The following SPAST variants were observed in gnomAD, a reference collection of about 807,000 sequenced individuals.
The protein encoded by SPAST is spastic paraplegia 4 (autosomal dominant; spastin).
A neutral mutation model predicts 76.6 loss-of-function variants in SPAST; 30 were observed. The observed-to-expected ratio is 0.39, with a 90% CI of 0.29 to 0.53. The LOEUF is 0.53. SPAST is among the 20% of genes least tolerant of loss of function. SPAST has a pLI of 0.68. For missense variants in SPAST, 717 were observed against 770.5 expected, an observed-to-expected ratio of 0.93 and a Z score of 0.82; for synonymous variants, 305 against 281.0, an observed-to-expected ratio of 1.09 and a Z score of -0.86.
At chr2:32,099,018 G>A (rs1175035448) in intron 4 of SPAST, 127 bp downstream of exon 4, 2 of 726,572 alleles carry the variant, frequency 2.8e-6, no homozygotes, top group Non-Finnish European at 5.0e-6. Context: ...ACAGGGCTGT[G>A]TTGAAAATAT....
intron 16 of SPAST, among the ~76,000 whole-genome samples, chr2:32,152,971 C>T (rs1173434786): frequency 6.6e-6 from 1 of 152,134 alleles, no homozygotes; most frequent in Non-Finnish European, 1.5e-5. Context: ...TGGTCTCTAA[C>T]TCCTGGGCTC....
chr2:32,112,546 C>T (rs552658037), intron 4 of SPAST, among the ~76,000 whole-genome samples: 11 of 152,248 alleles, frequency 7.2e-5, no homozygotes, highest in Non-Finnish European at 1.5e-4. Context: ...CGGGGTTTCA[C>T]CACATTGGTC....
chr2:32,063,742 C>T lies in SPAST; in HGVS notation c.-90C>T. On this transcript the variant is annotated 5_prime_UTR_variant, in exon 1 of 17. Transcript: ENST00000315285. ...CCGGCGGGCACACGGGGGTCTGTGG[C>T]CCCCGCCGTAGCAGTGGCTGCCGCC... The T allele has an allele frequency of 6.7e-7, 1 of 1,493,252 alleles. No homozygotes were observed. The highest frequency in any genetic ancestry group is 8.9e-7 in the Non-Finnish European group (1 of 1,120,448). The allele number at this position is 1,493,252 out of a possible 1,614,324, so 92.5% of individuals were successfully genotyped here.
At chr2:32,101,170 G>T (rs1165133055) in intron 4 of SPAST, among the ~76,000 whole-genome samples, 1 of 152,128 alleles carries the variant, frequency 6.6e-6, no homozygotes, top group East Asian at 1.9e-4. Context: ...GTGTGAGACG[G>T]TATCTCATTG....
chr2:32,081,050 C>T (rs377038617), intron 1 of SPAST, among the ~76,000 whole-genome samples: 4 of 152,090 alleles, frequency 2.6e-5, no homozygotes, highest in South Asian at 4.1e-4. Context: ...CCTCCGCCTC[C>T]TGGGTTCAAG....
rs757433780 is a variant in SPAST, at chr2:32,154,397, C to T, written c.1752C>T (p.Asp584=). 8.7e-6 allele frequency: 14 copies of T among 1,612,522 alleles called. No individual in the cohort carries two copies. Among genetic ancestry groups the T allele is most frequent in the Non-Finnish European group, 1.1e-5 (13 of 1,178,740 alleles). ...AGATGAGAAATATTCGATTATCTGA[C>T]TTCACTGAATCCTTGAAAAAAATAA... ...ASEMRNIRLS[D]FTESLKKIKR... is the part of the protein sequence containing the mutation. Residue 584 remains aspartate, a synonymous_variant, in exon 17 of 17, where the codon GAC becomes GAT. Transcript: ENST00000315285.
chr2:32,111,645 A>G (rs867115988), intron 4 of SPAST, among the ~76,000 whole-genome samples: 42 of 150,576 alleles, frequency 2.8e-4, no homozygotes, highest in African/African-American at 9.7e-4. Flanking sequence ...CTCTAACTTT[A>G]TATTATAGGT....
At chr2:32,064,362 T>C in intron 1 of SPAST, 116 bp downstream of exon 1, 2 of 953,370 alleles carry the variant, frequency 2.1e-6, no homozygotes, top group South Asian at 3.0e-5. Context: ...ACCCCCGGAA[T>C]TGATATGCCC....
At chr2:32,086,436 A>G (rs1677478106) in intron 1 of SPAST, among the ~76,000 whole-genome samples, 1 of 150,890 alleles carries the variant, frequency 6.6e-6, no homozygotes, top group African/African-American at 2.4e-5. Context: ...CCTGCACTCT[A>G]GTGTGGGTGA....
At chr2:32,080,241 TTAA>T (rs1236294554) in intron 1 of SPAST, among the ~76,000 whole-genome samples, 3 of 152,232 alleles carry the variant, frequency 2.0e-5, no homozygotes, top group Non-Finnish European at 4.4e-5. Context: ...AAAATGTCTA[TTAA>T]TGTTCTTTTC....
chr2:32,111,701 C>T (rs1001357641), intron 4 of SPAST, among the ~76,000 whole-genome samples: 1 of 150,584 alleles, frequency 6.6e-6, no homozygotes, highest in Non-Finnish European at 1.5e-5. Context: ...TAGAAGACCT[C>T]CTTTAGTAGT....
At position 32,157,611 on chromosome 2, in the gene SPAST, T is replaced by C. The variant is rs1332886557; in HGVS notation, c.*3115T>C. 2 of 152,570 alleles carry C rather than the reference T, an allele frequency of 1.3e-5. No individual in the cohort carries two copies. Among genetic ancestry groups the C allele is most frequent in the Non-Finnish European group, 2.9e-5 (2 of 68,044 alleles). 9.5% of individuals were successfully genotyped at this position (152,570 alleles called of 1,614,324 possible). On this transcript the variant is annotated 3_prime_UTR_variant, in exon 17 of 17. Transcript: ENST00000315285. The stretch of plus-strand genomic sequence containing the variant: ...TGCATAAAGTGGGTTTTTATCCTAA[T>C]GTATTGGAAATAAATGATAAACTTT...
intron 10 of SPAST, 92 bp downstream of exon 10, chr2:32,136,730 G>A: frequency 7.5e-7 from 1 of 1,336,888 alleles, no homozygotes; most frequent in Non-Finnish European, 1.1e-6. Flanking sequence ...TATTCAGAAG[G>A]AAGAAGTTTT....
intron 9 of SPAST, 60 bp downstream of exon 9, chr2:32,128,539 T>G: frequency 9.6e-7 from 1 of 1,042,558 alleles, no homozygotes; most frequent in African/African-American, 1.6e-5. Flanking sequence ...GTTACTGTGT[T>G]AACTGTAAAT....
intron 15 of SPAST, among the ~76,000 whole-genome samples, chr2:32,146,150 G>A (rs1397111181): frequency 6.6e-6 from 1 of 152,212 alleles, no homozygotes; most frequent in Non-Finnish European, 1.5e-5. Context: ...ATCTTGTTCA[G>A]TTAGTGGATT....
intron 7 of SPAST, among the ~76,000 whole-genome samples, chr2:32,124,512 C>A (rs991338721): frequency 1.3e-5 from 2 of 152,064 alleles, no homozygotes; most frequent in African/African-American, 4.8e-5. Flanking sequence ...AAAACTCTTA[C>A]CATATGGTCC....
At chr2:32,083,886 C>G (rs990247451) in intron 1 of SPAST, among the ~76,000 whole-genome samples, 3 of 148,556 alleles carry the variant, frequency 2.0e-5, no homozygotes, top group Non-Finnish European at 3.0e-5. Flanking sequence ...TCAAGTGATT[C>G]TCCTGCCTCA....
intron 1 of SPAST, among the ~76,000 whole-genome samples, chr2:32,079,504 T>TA (rs111840558): frequency 0.41 from 59,967 of 144,622 alleles, 12,575 homozygotes; most frequent in East Asian, 0.64. Context: ...AGACCCAGTC[T>TA]AAAAAAAAAA....
rs1236551232 is a variant in SPAST at position 32,128,191 on chromosome 2, C to G, written c.1174-217C>G. On this transcript the variant is annotated intron_variant, in intron 8 of 16. Transcript: ENST00000315285. ...TGTATTTTTATTAGAGATGGGATTT[C>G]ACCATGTTGGCCAGGCTGGTCTCAA... 1.0e-5 allele frequency: 5 copies of G among 482,302 alleles called. No individual in the cohort carries two copies. The East Asian group carries it at 2.0e-4, about 19-fold the overall frequency. 29.9% of individuals were successfully genotyped at this position (482,302 alleles called of 1,614,324 possible).
Sources: allele counts gnomAD v4.1 joint callset (sites outside exome capture counted in the v4.1 genomes callset), GRCh38; gene constraint gnomAD v4.1.1; transcripts MANE v1.5; gene names NCBI Gene and HGNC (gene_info 2026-07-23, HGNC 2026-07-21).